The following IGSF9 variants were observed in gnomAD, a reference collection of about 807,000 sequenced individuals.
IGSF9 encodes the protein protein turtle homolog A.
In IGSF9, 87 loss-of-function variants were observed where a neutral mutation model predicts 121.7. The ratio of observed to expected loss-of-function variants is 0.71; its 90% CI spans 0.60 to 0.85. The LOEUF is 0.85. Among genes scored for constraint, IGSF9 ranks in the 40% least tolerant of loss-of-function variants. The pLI is 0.00. For missense variants in IGSF9, 1,462 were observed against 1,565.3 expected (o/e 0.93, Z 1.11); for synonymous variants, 640 against 648.4 (o/e 0.99, Z 0.20).
At chr1:159,929,462 C>A in intron 17 of IGSF9, 69 bp from the exon 18 acceptor site, 1 of 1,578,500 alleles carries the variant, frequency 6.3e-7, no homozygotes, top group Non-Finnish European at 8.7e-7. Context: ...GACTCTCTCA[C>A]CCAACACCAG....
At chr1:159,929,852 G>A (rs1188633825) in intron 16 of IGSF9, 38 bp from the exon 17 acceptor site, 2 of 1,588,602 alleles carry the variant, frequency 1.3e-6, no homozygotes, top group Middle Eastern at 1.7e-4. Context: ...AGTGGACTCG[G>A]AGCAGCCCTG....
intron 9 of IGSF9, chr1:159,933,921 C>T (rs1480310307): frequency 7.9e-6 from 4 of 504,734 alleles, no homozygotes; most frequent in African/African-American, 2.0e-5. Flanking sequence ...TTCAGTTCTC[C>T]TTCTTGACTC....
At chr1:159,935,971 T>C (rs1214836797) in intron 6 of IGSF9, among the ~76,000 whole-genome samples, 12 of 152,206 alleles carry the variant, frequency 7.9e-5, no homozygotes, top group African/African-American at 2.4e-5. Flanking sequence ...AGTCCAGGCC[T>C]TCTGCTTCTC....
At chr1:159,927,726 C>A in intron 20 of IGSF9, 34 bp downstream of exon 20, 1 of 1,606,824 alleles carries the variant, frequency 6.2e-7, no homozygotes, top group Non-Finnish European at 8.5e-7. Flanking sequence ...GACAGTATGG[C>A]CGAGATGCCT....
chr1:159,934,359 G>T (rs1189534779), intron 8 of IGSF9, 27 bp from the exon 9 acceptor site: 2 of 1,573,194 alleles, frequency 1.3e-6, no homozygotes, highest in East Asian at 2.3e-5. Context: ...GCAAGTTGGG[G>T]GAGAGGGGCT....
At chr1:159,935,074 A>G (rs940877188) in intron 6 of IGSF9, among the ~76,000 whole-genome samples, 23 of 152,290 alleles carry the variant, frequency 1.5e-4, no homozygotes, top group South Asian at 1.5e-3. Flanking sequence ...TCCACTGCCT[A>G]GGAATGGTGT....
chr1:159,928,084 G>C (rs928494107), intron 19 of IGSF9, 74 bp downstream of exon 19: 1 of 1,545,396 alleles, frequency 6.5e-7, no homozygotes, highest in Non-Finnish European at 8.7e-7. Flanking sequence ...AGAAGGTGCA[G>C]GGTATTGGGA....
In IGSF9 at chr1:159,927,535, G is replaced by A. The variant is rs1180147471; in HGVS notation, c.3359-9C>T. On this transcript the variant is annotated splice_polypyrimidine_tract_variant and intron_variant, in intron 20 of 20. Coordinates refer to ENST00000368094, the MANE Select transcript of IGSF9 (RefSeq NM_001135050.2). The stretch of plus-strand genomic sequence containing the variant: ...CTCTGGAGTCTTCACACCTGCAAGA[G>A]GCGGGCAGGACAATGAGAAGAAGCC... 3 of 1,609,266 alleles carry A rather than the reference G, an allele frequency of 1.9e-6. No homozygotes were observed. Among genetic ancestry groups the A allele is most frequent in the East Asian group, 2.2e-5 (1 of 44,768 alleles).
intron 3 of IGSF9, among the ~76,000 whole-genome samples, chr1:159,940,994 C>T (rs985415235): frequency 6.6e-6 from 1 of 152,214 alleles, no homozygotes; most frequent in African/African-American, 2.4e-5. Context: ...TGTGCAGGCA[C>T]AGGCTGGGGC....
chr1:159,937,943 C>T (rs1226271277), intron 3 of IGSF9, 105 bp from the exon 4 acceptor site: 14 of 1,230,526 alleles, frequency 1.1e-5, no homozygotes, highest in African/African-American at 1.5e-5. Context: ...CTCAGTCTCT[C>T]CCAGTTACTC....
Position 159,932,456 on chromosome 1 carries a change from A to G in IGSF9, c.1245+56T>C. The G allele has an allele frequency of 8.0e-7, 1 of 1,255,418 alleles. No homozygotes were observed. The highest frequency in any genetic ancestry group is 1.1e-6 in the Non-Finnish European group (1 of 920,794). The allele number at this position is 1,255,418 out of a possible 1,614,324, so 77.8% of individuals were successfully genotyped here. ...CCCCCATCAGCCTGGCCTTAGCACC[A>G]TCTCCAGCCATCTGACCCACTGTCA... On this transcript the variant is annotated intron_variant, in intron 10 of 20. Coordinates refer to ENST00000368094, the MANE Select transcript of IGSF9 (RefSeq NM_001135050.2). This position sits in a 1 kb window ranked among gnomAD's most constrained non-coding sequence, Gnocchi z 4.1.
rs1246142415 is a variant in IGSF9 at position 159,936,806 on chromosome 1, A to G, written c.503T>C (p.Val168Ala). 1.2e-6 allele frequency: 2 copies of G among 1,614,166 alleles called. No individual in the cohort carries two copies. The highest frequency in any genetic ancestry group is 2.2e-5 in the South Asian group (2 of 91,090). The change falls in exon 5 of 21, where the codon GTG (valine) becomes GCG (alanine). Residue 168 changes from valine to alanine, a missense_variant. Around this residue, in one of 3 missense-constraint regions of IGSF9, gnomAD observed 558 missense variants for 599.4 expected, o/e 0.93. Coordinates refer to ENST00000368094, the MANE Select transcript of IGSF9 (RefSeq NM_001135050.2). Reference protein sequence around the residue: ...CVARGSPLPHVTWKLRGKDLG... With the variant: ...CVARGSPLPHATWKLRGKDLG... ...GTCCTTTCCTCGGAGCTTCCACGTC[A>G]CATGAGGCAGGGGGCTGCCACGGGC...
In IGSF9 at chr1:159,932,431, C is replaced by T; in HGVS notation, c.1245+81G>A. 2.9e-6 allele frequency: 4 copies of T among 1,372,842 alleles called. No individual in the cohort carries two copies. Among genetic ancestry groups the T allele is most frequent in the African/African-American group, 1.4e-5 (1 of 69,480 alleles). 85.0% of individuals were successfully genotyped at this position (1,372,842 alleles called of 1,614,324 possible). On this transcript the variant is annotated intron_variant, in intron 10 of 20. Coordinates refer to ENST00000368094, the MANE Select transcript of IGSF9 (RefSeq NM_001135050.2). This position sits in a 1 kb window ranked among gnomAD's most constrained non-coding sequence, Gnocchi z 4.1. ...CTCCCCATGTGTCTGCCCCACCCCA[C>T]CCCCATCAGCCTGGCCTTAGCACCA...
Position 159,931,109 on chromosome 1 carries a change from C to T in IGSF9, c.1637+29G>A, listed in dbSNP as rs940625376. 6.2e-7 allele frequency: 1 copy of T among 1,613,958 alleles called. No homozygotes were observed. The highest frequency in any genetic ancestry group is 8.5e-7 in the Non-Finnish European group (1 of 1,179,912). ...GAGAGGAAAGGAGGCAAGATTGGCA[C>T]AGAGAAATGGCAGGAGCAGGTCACT... On this transcript the variant is annotated intron_variant, in intron 13 of 20. Transcript: ENST00000368094. This position sits in a 1 kb window ranked among gnomAD's most constrained non-coding sequence, Gnocchi z 4.8.
chr1:159,942,932 TC>T (rs1367663992), intron 3 of IGSF9, 30 bp downstream of exon 3: 1 of 1,595,546 alleles, frequency 6.3e-7, no homozygotes, highest in Non-Finnish European at 8.6e-7. Context: ...TGCTGATACC[TC>T]CCTACCTCCC....
In IGSF9 at chr1:159,930,366, A is replaced by G; in HGVS notation, c.1887T>C (p.Gly629=). Reference sequence around the variant, plus strand: ...CCCGGGGTGTCCTCACTGCCACCAGACCCCGCGGAGGGGACAGGGGAGGCG... The same window carrying G: ...CCCGGGGTGTCCTCACTGCCACCAGGCCCCGCGGAGGGGACAGGGGAGGCG... The part of the protein sequence containing the change: ...EIPPPLSPPR[G]LVAVRTPRGV... Residue 629 remains glycine (G), a synonymous_variant, in exon 15 of 21, where the codon GGT becomes GGC. Coordinates refer to ENST00000368094, the MANE Select transcript of IGSF9 (RefSeq NM_001135050.2). 1 of 1,598,922 alleles carries G rather than the reference A, an allele frequency of 6.3e-7. No homozygotes were observed. Among genetic ancestry groups the G allele is most frequent in the East Asian group, 2.2e-5 (1 of 44,524 alleles).
intron 17 of IGSF9, 117 bp downstream of exon 17, chr1:159,929,521 G>A (rs774568418): frequency 7.8e-5 from 116 of 1,478,212 alleles, no homozygotes; most frequent in Non-Finnish European, 1.0e-4. Flanking sequence ...ACCAGATGCA[G>A]GACTAAGAGA....
chr1:159,929,613 C>T, intron 17 of IGSF9, 25 bp downstream of exon 17: 1 of 1,583,644 alleles, frequency 6.3e-7, no homozygotes, highest in Non-Finnish European at 8.6e-7. Context: ...TGCGCAGTAG[C>T]AGGGCTGAGG....
rs1650816615 is a variant in IGSF9, at chr1:159,928,202, A to C, written c.3186T>G (p.Pro1062=). ...PGDTSSWASG[P]ERWPRREHVV... ...CATGCTCCCTTCGGGGCCATCTCTC[A>C]GGGCCACTGGCCCAGCTGCTGGTGT... The change falls in exon 19 of 21, where the codon CCT becomes CCG. Residue 1062 remains proline, a synonymous_variant. Transcript: ENST00000368094. 6.2e-7 allele frequency: 1 copy of C among 1,612,230 alleles called. No individual in the cohort carries two copies. Among genetic ancestry groups the C allele is most frequent in the African/African-American group, 1.3e-5 (1 of 75,044 alleles).
Sources: gnomAD v4.1 joint callset for allele counts (sites outside exome capture counted in the v4.1 genomes callset) on GRCh38, gnomAD v4.1.1 for gene constraint, gnomAD v4.1.1 regional missense constraint, Gnocchi (gnomAD v3.1) non-coding constraint, MANE v1.5 for transcripts, NCBI Gene and HGNC (gene_info 2026-07-23, HGNC 2026-07-21) for gene names.